COMMD10: variants seen among roughly 807,000 people sequenced by gnomAD.
COMMD10 encodes the protein COMM domain-containing protein 10.
Under a neutral mutation model 28.9 loss-of-function variants are expected in COMMD10, and 33 were observed. The observed-to-expected ratio is 1.14, with a 90% confidence interval of 0.87 to 1.53. COMMD10 has a LOEUF of 1.53. COMMD10 is among the 40% of genes most tolerant of loss of function. The pLI is 0.00. For missense variants in COMMD10, 310 were observed against 233.4 expected (o/e 1.33, Z -2.14); for synonymous variants, 110 against 81.7 (o/e 1.35, Z -1.87).
At chr5:116,260,641 T>C (rs1322170061) in intron 5 of COMMD10, among the ~76,000 whole-genome samples, 1 of 151,854 alleles carries the variant, frequency 6.6e-6, no homozygotes, top group African/African-American at 2.4e-5. Context: ...GTTATAGTAA[T>C]GGTCATGCAA....
At chr5:116,101,865 C>G (rs778298608) in intron 4 of COMMD10, among the ~76,000 whole-genome samples, 1 of 152,096 alleles carries the variant, frequency 6.6e-6, no homozygotes, top group Non-Finnish European at 1.5e-5. Context: ...TGAAAAATGT[C>G]TATTCATGTC....
chr5:116,248,843 G>C (rs1366065115), intron 5 of COMMD10, among the ~76,000 whole-genome samples: 1 of 151,808 alleles, frequency 6.6e-6, no homozygotes, highest in East Asian at 1.9e-4. Context: ...TGGAAGACCA[G>C]AGACAGAAAA....
intron 5 of COMMD10, among the ~76,000 whole-genome samples, chr5:116,231,036 G>T (rs1200383483): frequency 1.3e-5 from 2 of 152,114 alleles, no homozygotes; most frequent in Non-Finnish European, 2.9e-5. Context: ...TTCTGAGACT[G>T]CCTTGGAGTG....
chr5:116,100,353 T>TA (rs1389462754), intron 4 of COMMD10, among the ~76,000 whole-genome samples: 1 of 152,306 alleles, frequency 6.6e-6, no homozygotes, highest in Non-Finnish European at 1.5e-5. Flanking sequence ...CAAAAAGTGA[T>TA]ACGCTTTTGG....
intron 5 of COMMD10, among the ~76,000 whole-genome samples, chr5:116,266,557 C>T (rs62385993): frequency 0.073 from 11,155 of 151,820 alleles, 523 homozygotes; most frequent in Admixed American, 0.13. Flanking sequence ...ACTTCTATTA[C>T]ACTCTTTAAT....
At chr5:116,160,103 A>G (rs756750329) in intron 5 of COMMD10, among the ~76,000 whole-genome samples, 29 of 152,178 alleles carry the variant, frequency 1.9e-4, no homozygotes, top group Non-Finnish European at 3.4e-4. Context: ...GATAGCAAAC[A>G]AGAGGTTGTT....
intron 2 of COMMD10, among the ~76,000 whole-genome samples, chr5:116,088,797 T>C (rs1347423128): frequency 1.3e-5 from 2 of 152,230 alleles, no homozygotes; most frequent in East Asian, 3.9e-4. Flanking sequence ...CCTAGTTCAT[T>C]CTCACCTGAT....
At chr5:116,290,016 A>T (rs1303532854) in intron 5 of COMMD10, among the ~76,000 whole-genome samples, 6 of 151,964 alleles carry the variant, frequency 3.9e-5, no homozygotes, top group Non-Finnish European at 8.8e-5. Context: ...AACAAAGCAA[A>T]GCAAAATATA....
intron 4 of COMMD10, among the ~76,000 whole-genome samples, chr5:116,116,481 G>C (rs1397170440): frequency 6.6e-6 from 1 of 152,144 alleles, no homozygotes; most frequent in Non-Finnish European, 1.5e-5. Flanking sequence ...AAATGCTTCT[G>C]AACATTATTG....
chr5:116,186,862 A>G (rs1042437408), intron 5 of COMMD10, among the ~76,000 whole-genome samples: 7 of 152,196 alleles, frequency 4.6e-5, no homozygotes, highest in Admixed American at 6.5e-5. Context: ...TGATTCCACT[A>G]GAGTTATTAA....
Position 116,128,255 on chromosome 5 carries a change from A to G in COMMD10, c.400-5813A>G, listed in dbSNP as rs79835124. ...TGAAGTTATAATATTTTGAGGTGAC[A>G]TTTTAGTAACATTCTCAGGTAAAAG... On this transcript the variant is annotated intron_variant, in intron 4 of 6. Coordinates refer to ENST00000274458, the MANE Select transcript of COMMD10 (RefSeq NM_016144.4). Among the ~76,000 whole-genome samples, 51 of 152,184 alleles carry G rather than the reference A, an allele frequency of 3.4e-4. 1 individual carries two copies. The highest frequency in any genetic ancestry group is 6.2e-4 in the Non-Finnish European group (42 of 67,980).
At chr5:116,145,096 T>C (rs1287707837) in intron 5 of COMMD10, among the ~76,000 whole-genome samples, 1 of 151,844 alleles carries the variant, frequency 6.6e-6, no homozygotes, top group Non-Finnish European at 1.5e-5. Context: ...TGCAATGATC[T>C]GATTGCTTCT....
At chr5:116,121,958 TTTTG>T (rs1485530156) in intron 4 of COMMD10, among the ~76,000 whole-genome samples, 1 of 152,244 alleles carries the variant, frequency 6.6e-6, no homozygotes, top group Non-Finnish European at 1.5e-5. Context: ...TGGTAGTTTC[TTTTG>T]TCATGCAGAA....
chr5:116,204,613 G>T (rs7709426), intron 5 of COMMD10, among the ~76,000 whole-genome samples: 48,597 of 151,894 alleles, frequency 0.32, 10,940 homozygotes, highest in African/African-American at 0.64. Context: ...CCCTTTATTT[G>T]AATTTACAGA....
intron 5 of COMMD10, among the ~76,000 whole-genome samples, chr5:116,254,629 G>C (rs1580586980): frequency 1.3e-5 from 2 of 151,738 alleles, no homozygotes; most frequent in South Asian, 4.2e-4. Context: ...TCTTAATCCT[G>C]AGTTCTAGTT....
At chr5:116,125,376 C>T (rs1404430375) in intron 4 of COMMD10, among the ~76,000 whole-genome samples, 1 of 152,128 alleles carries the variant, frequency 6.6e-6, no homozygotes, top group Non-Finnish European at 1.5e-5. Flanking sequence ...TGAACATTGG[C>T]CCCCACTCTC....
chr5:116,161,159 G>A (rs1010226936), intron 5 of COMMD10, among the ~76,000 whole-genome samples: 1 of 152,040 alleles, frequency 6.6e-6, no homozygotes, highest in Non-Finnish European at 1.5e-5. Context: ...AAATCTAAAT[G>A]TCTGAAAACT....
At chr5:116,226,900 T>C (rs1230018976) in intron 5 of COMMD10, among the ~76,000 whole-genome samples, 1 of 152,082 alleles carries the variant, frequency 6.6e-6, no homozygotes, top group African/African-American at 2.4e-5. Context: ...TTGCTGAGTT[T>C]CAGTTTCAAA....
intron 5 of COMMD10, among the ~76,000 whole-genome samples, chr5:116,201,085 G>A (rs1748653605): frequency 6.6e-6 from 1 of 152,108 alleles, no homozygotes; most frequent in African/African-American, 2.4e-5. Flanking sequence ...GTGAGCTGGA[G>A]TTGGGTATTT....
Sources: allele counts gnomAD v4.1 joint callset (sites outside exome capture counted in the v4.1 genomes callset), GRCh38; gene constraint gnomAD v4.1.1; transcripts MANE v1.5; gene names NCBI Gene and HGNC (gene_info 2026-07-23, HGNC 2026-07-21).